MYO1A: variants seen among roughly 807,000 people sequenced by gnomAD.
MYO1A encodes the protein myosin IA.
A neutral mutation model predicts 138.5 loss-of-function variants in MYO1A; 127 were observed. The ratio of observed to expected loss-of-function variants is 0.92; its 90% CI spans 0.79 to 1.06. The LOEUF (loss-of-function observed/expected upper bound fraction) is 1.06. Among genes scored for constraint, MYO1A ranks in the 50% least tolerant of loss-of-function variants. MYO1A has a pLI of 0.00. For synonymous variants in MYO1A, 477 were observed against 497.5 expected, an observed-to-expected ratio of 0.96 and a Z score of 0.55; for missense variants, 1,211 against 1,288.8, an observed-to-expected ratio of 0.94 and a Z score of 0.92.
chr12:57,039,161 T>C, intron 15 of MYO1A, 51 bp downstream of exon 15: 1 of 1,587,128 alleles, frequency 6.3e-7, no homozygotes, highest in East Asian at 2.2e-5. Flanking sequence ...GGGAAGGATG[T>C]TCAGGCAGTC....
At chr12:57,035,241 TCTC>T (rs1483010138) in intron 22 of MYO1A, among the ~76,000 whole-genome samples, 1 of 151,970 alleles carries the variant, frequency 6.6e-6, no homozygotes, top group African/African-American at 2.4e-5. Context: ...AGATTACAGG[TCTC>T]AGGTGTGTAG....
rs773312597 is a variant in MYO1A, at chr12:57,043,993, G to T, written c.755C>A (p.Ala252Glu). 5.6e-6 allele frequency: 9 copies of T among 1,613,986 alleles called. No individual in the cohort carries two copies. The Admixed American group carries it at 8.3e-5, about 15-fold the overall frequency. Residue 252 changes from alanine to glutamate, a missense_variant, in exon 10 of 28, where the codon GCA becomes GAA. Transcript: ENST00000300119. Reference sequence around the variant, plus strand: ...CTCCTCCTCCGAGAACCCAATCACTGCCATTGCACTCTTAGGCAGAAAGCA... The same window carrying T: ...CTCCTCCTCCGAGAACCCAATCACTTCCATTGCACTCTTAGGCAGAAAGCA... The part of the protein sequence containing the change: ...SSFRAVQSAM[A>E]VIGFSEEEIR...
In MYO1A at chr12:57,029,595, C is replaced by T. The variant is rs375656169; in HGVS notation, c.2725-8G>A. Reference sequence around the variant, plus strand: ...GAGAATCCGAGAAGAAGTCTAGGGACGGAACAGGCAAGGGTGAGGAAAGGC... The same window carrying T: ...GAGAATCCGAGAAGAAGTCTAGGGATGGAACAGGCAAGGGTGAGGAAAGGC... On this transcript the variant is annotated splice_polypyrimidine_tract_variant and splice_region_variant and intron_variant, in intron 25 of 27. Coordinates refer to ENST00000300119, the MANE Select transcript of MYO1A (RefSeq NM_005379.4). 5.1e-5 allele frequency: 83 copies of T among 1,614,058 alleles called. No individual in the cohort carries two copies. The highest frequency in any genetic ancestry group is 3.3e-4 in the Middle Eastern group (2 of 6,080).
In MYO1A at chr12:57,029,541, G is replaced by A. The variant is rs866518742; in HGVS notation, c.2771C>T (p.Thr924Ile). 3.1e-6 allele frequency: 5 copies of A among 1,614,088 alleles called. No homozygotes were observed. The South Asian group carries it at 5.5e-5, about 18-fold the overall frequency. Residue 924 changes from threonine (T) to isoleucine (I), a missense_variant, in exon 26 of 28, where the codon ACA (threonine) becomes ATA (isoleucine). Thr to Ile is a moderately conservative substitution (Grantham distance 89). Coordinates refer to ENST00000300119, the MANE Select transcript of MYO1A (RefSeq NM_005379.4). ...TTTGGCCTGGGACTTCTTGGTGTCT[G>A]TGAGAATCACATGGCCCTTGGTCAG... ...LLLTKGHVIL[T>I]DTKKSQAKIV... is the part of the protein sequence containing the mutation.
chr12:57,038,153 C>T (rs1050914355), intron 17 of MYO1A, 84 bp from the exon 18 acceptor site: 58 of 1,479,518 alleles, frequency 3.9e-5, no homozygotes, highest in Admixed American at 2.5e-4. Flanking sequence ...ATGCTGCACA[C>T]GGTGCACTTC....
rs749976029 is a variant in MYO1A at position 57,029,847 on chromosome 12, A to G, written c.2617T>C (p.Tyr873His). The stretch of plus-strand genomic sequence containing the variant: ...TTGGGGTTCCCTTGCAGCCCAATGT[A>G]GTCACCACAGAATGGAATGGGGACA... ...QSVPIPFCGD[Y>H]IGLQGNPKLQ... is the part of the protein sequence containing the mutation. Residue 873 changes from tyrosine (Y) to histidine (H), a missense_variant, in exon 25 of 28, where the codon TAC (tyrosine) becomes CAC (histidine). Tyr to His is a moderately conservative substitution (Grantham distance 83). Transcript: ENST00000300119. 1.9e-6 allele frequency: 3 copies of G among 1,614,172 alleles called. No homozygotes were observed. The South Asian group carries it at 3.3e-5, about 18-fold the overall frequency.
At chr12:57,046,261 A>G (rs1235456322) in intron 8 of MYO1A, among the ~76,000 whole-genome samples, 1 of 152,212 alleles carries the variant, frequency 6.6e-6, no homozygotes, top group Non-Finnish European at 1.5e-5. Context: ...AAGCCAGCTC[A>G]GGGAAAGCAG....
rs952390713 is a variant in MYO1A, at chr12:57,048,048, A to G, written c.171T>C (p.Tyr57=). The change falls in exon 3 of 28, where the codon TAT becomes TAC. Residue 57 remains tyrosine (Y), a synonymous_variant. Coordinates refer to ENST00000300119, the MANE Select transcript of MYO1A (RefSeq NM_005379.4). The part of the protein sequence containing the change: ...SVNPYQQLPI[Y]GPEFIAKYQD... Reference sequence around the variant, plus strand: ...GATATTTGGCAATGAACTCTGGCCCATAGATGGGAAGCTGTTGATAGGGAT... The same window carrying G: ...GATATTTGGCAATGAACTCTGGCCCGTAGATGGGAAGCTGTTGATAGGGAT... 1.9e-6 allele frequency: 3 copies of G among 1,614,096 alleles called. No individual in the cohort carries two copies. Among genetic ancestry groups the G allele is most frequent in the Non-Finnish European group, 2.5e-6 (3 of 1,180,038 alleles).
At chr12:57,042,926 C>G (rs1051269520) in intron 12 of MYO1A, 146 bp downstream of exon 12, 6 of 766,070 alleles carry the variant, frequency 7.8e-6, no homozygotes, top group Admixed American at 6.0e-5. Context: ...GTGATGTTTC[C>G]ATGACAACAC....
At position 57,044,160 on chromosome 12, in the gene MYO1A, A is replaced by G. The variant is rs751342265; in HGVS notation, c.690T>C (p.His230=). Residue 230 remains histidine, a synonymous_variant, in exon 9 of 28, where the codon CAT becomes CAC. Coordinates refer to ENST00000300119, the MANE Select transcript of MYO1A (RefSeq NM_005379.4). ...RDTTGYAYLN[H]EVSRVDGMDD... is the part of the protein sequence containing the mutation. ...CCATGCCATCCACTCTGGATACTTC[A>G]TGATTCAGATAGGCATAGCCAGTTG... is the stretch of plus-strand genomic sequence containing the variant. The G allele has an allele frequency of 6.2e-7, 1 of 1,614,172 alleles. No homozygotes were observed. The highest frequency in any genetic ancestry group is 8.5e-7 in the Non-Finnish European group (1 of 1,180,034).
In MYO1A at chr12:57,029,489, A is replaced by G; in HGVS notation, c.2823T>C (p.Ala941=). 6.2e-7 allele frequency: 1 copy of G among 1,614,118 alleles called. No homozygotes were observed. Among genetic ancestry groups the G allele is most frequent in the Non-Finnish European group, 8.5e-7 (1 of 1,180,022 alleles). The change falls in exon 26 of 28, where the codon GCT becomes GCC. Residue 941 remains alanine, a synonymous_variant. Coordinates refer to ENST00000300119, the MANE Select transcript of MYO1A (RefSeq NM_005379.4). ...CCTTGAGGCTGGTGACTGACACCCCAGCCACATTGTCTAGCCCAATGACAA... is the reference window on the plus strand; with the variant it reads ...CCTTGAGGCTGGTGACTGACACCCCGGCCACATTGTCTAGCCCAATGACAA... ...AKIVIGLDNV[A]GVSVTSLKDG...
intron 12 of MYO1A, among the ~76,000 whole-genome samples, chr12:57,042,588 A>G (rs189732712): frequency 1.3e-5 from 2 of 152,356 alleles, no homozygotes; most frequent in African/African-American, 4.8e-5. Flanking sequence ...GTAGGAATGC[A>G]TTAGTGTTTC....
At chr12:57,043,475 AGT>A in intron 10 of MYO1A, 117 bp from the exon 11 acceptor site, 1 of 997,676 alleles carries the variant, frequency 1.0e-6, no homozygotes. Flanking sequence ...TCACTGGAGA[AGT>A]CATTGCAGCC....
intron 22 of MYO1A, among the ~76,000 whole-genome samples, chr12:57,032,937 C>T (rs2030357154): frequency 6.6e-6 from 1 of 152,058 alleles, no homozygotes; most frequent in South Asian, 2.1e-4. Flanking sequence ...CTGTATGTTC[C>T]TCATCTAAAT....
chr12:57,041,567 G>C (rs1009345625), intron 12 of MYO1A, 70 bp from the exon 13 acceptor site: 8 of 1,348,398 alleles, frequency 5.9e-6, no homozygotes, highest in Non-Finnish European at 8.5e-6. Flanking sequence ...CTTCTGGAGC[G>C]GATGGGGTTG....
Position 57,039,120 on chromosome 12 carries a change from C to A in MYO1A, c.1332+92G>T. Reference sequence around the variant, plus strand: ...TTATCTTCTGCCCTCTTTACTGTCCCTACCAAGTGGGGAATCAGGGAGAGA... The same window carrying A: ...TTATCTTCTGCCCTCTTTACTGTCCATACCAAGTGGGGAATCAGGGAGAGA... On this transcript the variant is annotated intron_variant, in intron 15 of 27. Transcript: ENST00000300119. 7 of 1,567,074 alleles carry A rather than the reference C, an allele frequency of 4.5e-6. No homozygotes were observed. In the Admixed American group the frequency reaches 1.2e-4, roughly 26 times the overall value.
At chr12:57,039,191 G>T in intron 15 of MYO1A, 21 bp downstream of exon 15, 1 of 1,611,344 alleles carries the variant, frequency 6.2e-7, no homozygotes, top group South Asian at 1.1e-5. Context: ...AAGTCCCACA[G>T]ATAAGAGAAT....
intron 21 of MYO1A, 148 bp downstream of exon 21, chr12:57,036,624 C>A: frequency 9.4e-7 from 1 of 1,067,784 alleles, no homozygotes; most frequent in South Asian, 1.3e-5. Flanking sequence ...AGGCCTCTCA[C>A]TCCCAGACAC....
chr12:57,044,545 C>T (rs922032808), intron 8 of MYO1A, among the ~76,000 whole-genome samples: 5 of 152,102 alleles, frequency 3.3e-5, no homozygotes, highest in Non-Finnish European at 5.9e-5. Flanking sequence ...CATGCCACCA[C>T]GCCTGGCTAA....
Sources: gnomAD v4.1 joint callset for allele counts (sites outside exome capture counted in the v4.1 genomes callset) on GRCh38, gnomAD v4.1.1 for gene constraint, MANE v1.5 for transcripts, NCBI Gene and HGNC (gene_info 2026-07-23, HGNC 2026-07-21) for gene names.